NMRAL1: variants seen among roughly 807,000 people sequenced by gnomAD.
The protein encoded by NMRAL1 is NmrA like redox sensor 1.
Under a neutral mutation model 27.5 loss-of-function variants are expected in NMRAL1, and 32 were observed. The observed-to-expected ratio is 1.16, with a 90% CI of 0.88 to 1.56. The LOEUF (loss-of-function observed/expected upper bound fraction) is 1.56, where lower values mean the gene tolerates loss of function less well. Among genes scored for constraint, NMRAL1 ranks in the 40% most tolerant of loss-of-function variants. The pLI is 0.00. For synonymous variants in NMRAL1, 166 were observed against 166.8 expected, an observed-to-expected ratio of 1.00 and a Z score of 0.04; for missense variants, 420 against 392.0, an observed-to-expected ratio of 1.07 and a Z score of -0.60.
chr16:4,469,597 G>A (rs1166752949), intron 2 of NMRAL1, 132 bp from the exon 3 acceptor site: 3 of 1,507,390 alleles, frequency 2.0e-6, no homozygotes, highest in South Asian at 1.3e-5. Context: ...TTCTCATTCA[G>A]GTATTTTTAT....
At chr16:4,468,594 C>T (rs906875077) in intron 3 of NMRAL1, among the ~76,000 whole-genome samples, 13 of 142,632 alleles carry the variant, frequency 9.1e-5, no homozygotes, top group African/African-American at 3.3e-4. Flanking sequence ...CCGGCCTGGG[C>T]GACAGAGCAA....
In NMRAL1 at chr16:4,467,625, T is replaced by G. The variant is rs976636789; in HGVS notation, c.280-1223A>C. 3.3e-5 allele frequency among the ~76,000 whole-genome samples: 5 copies of G among 152,042 alleles called. No homozygotes were observed. In the South Asian group the frequency reaches 8.3e-4, roughly 25 times the overall value. On this transcript the variant is annotated intron_variant, in intron 3 of 5. Coordinates refer to ENST00000283429, the MANE Select transcript of NMRAL1 (RefSeq NM_020677.6). The stretch of plus-strand genomic sequence containing the variant: ...TCAGAGAATCGATTTCTGTGGTTTT[T>G]GTTTTTGTTTTTGAGACAGAGTCTA...
At chr16:4,475,543 C>T (rs1012513878), upstream of NMRAL1, among the ~76,000 whole-genome samples, 1 of 151,074 alleles carries the variant, frequency 6.6e-6, no homozygotes, top group Non-Finnish European at 1.5e-5. Flanking sequence ...AACTGCTGAC[C>T]TCAAGTGATC....
intron 2 of NMRAL1, among the ~76,000 whole-genome samples, chr16:4,473,435 T>C (rs552266827): frequency 6.6e-6 from 1 of 152,064 alleles, no homozygotes; most frequent in African/African-American, 2.4e-5. Context: ...TAAATATGTA[T>C]AAATAAGAAA....
chr16:4,475,888 G>C (rs2057811079), upstream of NMRAL1: 1 of 152,186 alleles, frequency 6.6e-6, no homozygotes, highest in African/African-American at 2.4e-5. Flanking sequence ...GCAGTGAGCC[G>C]AGATCACGTC....
At position 4,466,236 on chromosome 16, in the gene NMRAL1, C is replaced by G. The variant is rs1165796612; in HGVS notation, c.446G>C (p.Ser149Thr). Reference protein sequence around the residue: ...YFRDIGVPMTSVRLPCYFENL... With the variant: ...YFRDIGVPMTTVRLPCYFENL... Reference sequence around the variant, plus strand: ...CTCAAAATAGCAGGGCAGCCGCACACTGGTCATGGGAACGCCAATGTCCCG... The same window carrying G: ...CTCAAAATAGCAGGGCAGCCGCACAGTGGTCATGGGAACGCCAATGTCCCG... The change falls in exon 4 of 6, where the codon AGT (serine) becomes ACT (threonine). Residue 149 changes from serine to threonine, a missense_variant. Coordinates refer to ENST00000283429, the MANE Select transcript of NMRAL1 (RefSeq NM_020677.6). 2 of 1,614,184 alleles carry G rather than the reference C, an allele frequency of 1.2e-6. No homozygotes were observed. The highest frequency in any genetic ancestry group is 2.7e-5 in the African/African-American group (2 of 75,054).
At chr16:4,473,232 G>A (rs1461501403) in intron 2 of NMRAL1, among the ~76,000 whole-genome samples, 1 of 152,088 alleles carries the variant, frequency 6.6e-6, no homozygotes, top group Non-Finnish European at 1.5e-5. Context: ...TCCAACTAAA[G>A]TGCTGGGATT....
At chr16:4,466,537 GC>G (rs377487484) in intron 3 of NMRAL1, 135 bp from the exon 4 acceptor site, 51 of 778,714 alleles carry the variant, frequency 6.5e-5, no homozygotes, top group South Asian at 4.7e-4. Flanking sequence ...CCTTGAGGAG[GC>G]CCCCTCTCCT....
Position 4,465,787 on chromosome 16 carries a change from C to G in NMRAL1, c.529+366G>C, listed in dbSNP as rs182382055. Among the ~76,000 whole-genome samples, 311 of 152,072 alleles carry G rather than the reference C, an allele frequency of 2.0e-3. 1 individual carries two copies. Among genetic ancestry groups the G allele is most frequent in the African/African-American group, 6.9e-3 (288 of 41,502 alleles). ...TCACCATGTTGGCCAGGCTGGTCTC[C>G]CCGCCTCAGCCTCCCAAAGTGCTGG... On this transcript the variant is annotated intron_variant, in intron 4 of 5. Transcript: ENST00000283429.
chr16:4,469,616 T>G (rs749164146), intron 2 of NMRAL1, 151 bp from the exon 3 acceptor site: 1 of 1,453,324 alleles, frequency 6.9e-7, no homozygotes, highest in East Asian at 2.4e-5. Flanking sequence ...ATTTTCTTTA[T>G]TTTATTTTTT....
intron 4 of NMRAL1, 42 bp downstream of exon 4, chr16:4,466,111 G>A (rs1402969734): frequency 9.9e-6 from 16 of 1,610,338 alleles, no homozygotes; most frequent in Non-Finnish European, 1.2e-5. Flanking sequence ...GGCTTTACAG[G>A]GTGAGAGCTC....
chr16:4,474,435 GC>G (rs2057747243), intron 1 of NMRAL1, 118 bp downstream of exon 1: 3 of 408,766 alleles, frequency 7.3e-6, no homozygotes, highest in African/African-American at 2.1e-5. Context: ...CCTCGCCGCG[GC>G]CTGGGCGGGA....
intron 2 of NMRAL1, among the ~76,000 whole-genome samples, chr16:4,472,467 G>C (rs559153211): frequency 1.3e-5 from 2 of 151,904 alleles, no homozygotes; most frequent in African/African-American, 2.4e-5. Flanking sequence ...AAAGTTGGCC[G>C]GGCGCGGTGG....
At chr16:4,462,611 C>G (rs1166922643) in intron 5 of NMRAL1, among the ~76,000 whole-genome samples, 2 of 152,032 alleles carry the variant, frequency 1.3e-5, no homozygotes, top group Admixed American at 6.6e-5. Flanking sequence ...CAGTGGCTCA[C>G]ACCTGTCATC....
intron 3 of NMRAL1, among the ~76,000 whole-genome samples, chr16:4,467,970 A>G (rs2057393407): frequency 6.6e-6 from 1 of 151,776 alleles, no homozygotes; most frequent in Non-Finnish European, 1.5e-5. Context: ...TCGTGACAGT[A>G]CCAGGAAGCC....
chr16:4,475,393 C>T (rs2057791905), upstream of NMRAL1, among the ~76,000 whole-genome samples: 1 of 151,742 alleles, frequency 6.6e-6, no homozygotes, highest in African/African-American at 2.4e-5. Flanking sequence ...CTGCAACTTC[C>T]GCCTCTTGGG....
chr16:4,469,644 C>G, intron 2 of NMRAL1, 179 bp from the exon 3 acceptor site: 2 of 1,287,464 alleles, frequency 1.6e-6, no homozygotes, highest in Non-Finnish European at 2.1e-6. Flanking sequence ...GAGTCTCACT[C>G]TATCACCCAG....
chr16:4,469,339 T>G lies in NMRAL1; in HGVS notation c.167A>C (p.Gln56Pro). 1 of 1,614,094 alleles carries G rather than the reference T, an allele frequency of 6.2e-7. No homozygotes were observed. The highest frequency in any genetic ancestry group is 1.1e-5 in the South Asian group (1 of 91,082). ...GATGACCTGGTCATCTTGGTCTCCCTGCACTACTTCTGCACCTTGCAGCCT... is the reference window on the plus strand; with the variant it reads ...GATGACCTGGTCATCTTGGTCTCCCGGCACTACTTCTGCACCTTGCAGCCT... Reference protein sequence around the residue: ...ELRLQGAEVVQGDQDDQVIME... With the variant: ...ELRLQGAEVVPGDQDDQVIME... The change falls in exon 3 of 6, where the codon CAG (glutamine) becomes CCG (proline). Residue 56 changes from glutamine (Q) to proline (P), a missense_variant. Physicochemically the swap from Gln to Pro is moderately conservative, Grantham distance 76. Coordinates refer to ENST00000283429, the MANE Select transcript of NMRAL1 (RefSeq NM_020677.6).
chr16:4,475,576 TG>T (rs2057798041), upstream of NMRAL1, among the ~76,000 whole-genome samples: 1 of 151,296 alleles, frequency 6.6e-6, no homozygotes, highest in African/African-American at 2.4e-5. Context: ...GCTCCCAAAG[TG>T]CTGGGATTAC....
Sources: allele counts gnomAD v4.1 joint callset (sites outside exome capture counted in the v4.1 genomes callset), GRCh38; gene constraint gnomAD v4.1.1; transcripts MANE v1.5; gene names NCBI Gene and HGNC (gene_info 2026-07-23, HGNC 2026-07-21).